Variants in ARHGAP24 observed in about 807,000 individuals in gnomAD.
ARHGAP24 encodes the protein Rho GTPase activating protein 24.
ARHGAP24 carries 50 observed loss-of-function variants against 76.4 expected under a neutral mutation model. The ratio of observed to expected loss-of-function variants is 0.65; its 90% CI spans 0.52 to 0.83. The LOEUF (loss-of-function observed/expected upper bound fraction) is 0.83, where lower values mean the gene tolerates loss of function less well. Ranked by LOEUF, ARHGAP24 falls within the 40% of genes least tolerant of loss-of-function variation. ARHGAP24 has a pLI of 0.00. For synonymous variants in ARHGAP24, 345 were observed against 323.3 expected (o/e 1.07, Z -0.72); for missense variants, 930 against 914.2 (o/e 1.02, Z -0.22).
chr4:85,651,966 C>T (rs1721963412), intron 2 of ARHGAP24, among the ~76,000 whole-genome samples: 1 of 152,002 alleles, frequency 6.6e-6, no homozygotes, highest in African/African-American at 2.4e-5. Context: ...AATTTAAAGT[C>T]TTTCTCAGAA....
chr4:85,537,642 A>G (rs1405930998), intron 1 of ARHGAP24, among the ~76,000 whole-genome samples: 1 of 152,134 alleles, frequency 6.6e-6, no homozygotes, highest in Non-Finnish European at 1.5e-5. Context: ...ATTATAGAAA[A>G]CTTTCTTAAG....
intron 2 of ARHGAP24, among the ~76,000 whole-genome samples, chr4:85,587,715 G>A (rs1727919274): frequency 6.6e-6 from 1 of 152,140 alleles, no homozygotes; most frequent in Non-Finnish European, 1.5e-5. Flanking sequence ...GGACTTGATA[G>A]ACTAGGACTC....
At position 85,722,300 on chromosome 4, in the gene ARHGAP24, G is replaced by C. The variant is rs112808354; in HGVS notation, c.268+328G>C. ...CTCTTGTGATGTGAAATTTGACAAG[G>C]GGTTATAGGTTGAATGCTTTGCCCA... On this transcript the variant is annotated intron_variant, in intron 3 of 9. Coordinates refer to ENST00000395184, the MANE Select transcript of ARHGAP24 (RefSeq NM_001025616.3). 3.0e-3 allele frequency: 887 copies of C among 298,124 alleles called. 7 individuals carry two copies. Among genetic ancestry groups the C allele is most frequent in the African/African-American group, 0.018 (826 of 46,132 alleles). The allele number at this position is 298,124 out of a possible 1,614,324, so 18.5% of individuals were successfully genotyped here.
chr4:85,485,513 G>T (rs188353578), intron 1 of ARHGAP24, among the ~76,000 whole-genome samples: 24 of 148,516 alleles, frequency 1.6e-4, no homozygotes, highest in Admixed American at 4.1e-4. Flanking sequence ...AAATGCTATG[G>T]TTGGAGAAAA....
At chr4:85,623,382 G>T (rs1216980022) in intron 2 of ARHGAP24, among the ~76,000 whole-genome samples, 1 of 152,158 alleles carries the variant, frequency 6.6e-6, no homozygotes, top group Admixed American at 6.5e-5. Flanking sequence ...GTTTTTGTCA[G>T]GTTTGTCAAA....
intron 2 of ARHGAP24, among the ~76,000 whole-genome samples, chr4:85,710,298 C>G (rs535514926): frequency 1.3e-5 from 2 of 152,210 alleles, no homozygotes; most frequent in South Asian, 2.1e-4. Flanking sequence ...ACTGGCTAGC[C>G]ATATGCAGGA....
At position 85,980,206 on chromosome 4, in the gene ARHGAP24, T is replaced by C. The variant is rs139282004; in HGVS notation, c.928+2515T>C. ...TGGTCATTGTTTCTAGTCTTTTTAG[T>C]GGGCAGAGCTAGTAGATATAAATGC... On this transcript the variant is annotated intron_variant, in intron 8 of 9. Coordinates refer to ENST00000395184, the MANE Select transcript of ARHGAP24 (RefSeq NM_001025616.3). Among the ~76,000 whole-genome samples, 865 of 152,308 alleles carry C rather than the reference T, an allele frequency of 5.7e-3. 27 individuals carry two copies. The highest frequency in any genetic ancestry group is 0.051 in the Admixed American group (783 of 15,292).
intron 2 of ARHGAP24, among the ~76,000 whole-genome samples, chr4:85,649,033 GTGTT>G (rs888717758): frequency 1.6e-4 from 24 of 151,120 alleles, no homozygotes; most frequent in Admixed American, 4.0e-4. Flanking sequence ...GTGTGTGTGT[GTGTT>G]TGTGTGTGTG....
chr4:85,647,938 T>A (rs750851707), intron 2 of ARHGAP24, among the ~76,000 whole-genome samples: 7 of 152,202 alleles, frequency 4.6e-5, no homozygotes, highest in Non-Finnish European at 1.0e-4. Context: ...GTAAGCTTTA[T>A]GTGGGAAGGT....
In ARHGAP24 at chr4:85,541,142, C is replaced by CTTTTTTTTTTT. The variant is rs70948733; in HGVS notation, c.-20-29361_-20-29351dup. ...TGTGTCTTCTGCTAGCATCCATGACCTTTTTTTTTTTTTTTTTTTTTTTTT... is the reference window on the plus strand; with the variant it reads ...TGTGTCTTCTGCTAGCATCCATGACCTTTTTTTTTTTTTTTTTTTTTTTTTTTTTTTTTTTT... On this transcript the variant is annotated intron_variant, in intron 1 of 9. Transcript: ENST00000395184. Among the ~76,000 whole-genome samples, 205 of 49,780 alleles carry CTTTTTTTTTTT rather than the reference C, an allele frequency of 4.1e-3. 19 individuals carry two copies. Among genetic ancestry groups the CTTTTTTTTTTT allele is most frequent in the Non-Finnish European group, 5.1e-3 (163 of 31,860 alleles). The allele number at this position is 49,780 out of a possible 152,430, so 32.7% of individuals were successfully genotyped here.
intron 2 of ARHGAP24, among the ~76,000 whole-genome samples, chr4:85,621,304 A>G (rs1025412607): frequency 2.0e-5 from 3 of 152,050 alleles, no homozygotes; most frequent in Non-Finnish European, 4.4e-5. Flanking sequence ...TTGCTGGGTC[A>G]AAGAGTATAT....
At chr4:85,874,413 A>T (rs1732707765) in intron 3 of ARHGAP24, among the ~76,000 whole-genome samples, 1 of 152,188 alleles carries the variant, frequency 6.6e-6, no homozygotes, top group Non-Finnish European at 1.5e-5. Context: ...CTTGCAGCTT[A>T]ACCTGTTGAA....
At chr4:85,939,531 G>A (rs1479725315) in intron 4 of ARHGAP24, among the ~76,000 whole-genome samples, 1 of 152,084 alleles carries the variant, frequency 6.6e-6, no homozygotes, top group East Asian at 1.9e-4. Context: ...AGAGAATATT[G>A]TGAGGGACTC....
chr4:85,615,944 ATTCT>A (rs1720526621), intron 2 of ARHGAP24, among the ~76,000 whole-genome samples: 1 of 152,216 alleles, frequency 6.6e-6, no homozygotes, highest in South Asian at 2.1e-4. Flanking sequence ...TATTGTGTCT[ATTCT>A]AAGACAACAT....
intron 3 of ARHGAP24, among the ~76,000 whole-genome samples, chr4:85,752,172 G>A (rs1479347545): frequency 6.6e-6 from 1 of 152,216 alleles, no homozygotes; most frequent in African/African-American, 2.4e-5. Flanking sequence ...CTGCCTTACA[G>A]GTGAGTGGTA....
intron 5 of ARHGAP24, among the ~76,000 whole-genome samples, chr4:85,944,799 A>C (rs1267044403): frequency 6.6e-6 from 1 of 152,212 alleles, no homozygotes; most frequent in African/African-American, 2.4e-5. Flanking sequence ...GATGAACTTT[A>C]TCAGTGATGA....
In ARHGAP24 at chr4:85,994,948, A is replaced by T. The variant is rs756304543; in HGVS notation, c.1294A>T (p.Ile432Leu). ...CCCAGCCTTTAATAAGGGTAGTGGG[A>T]TAGTTACCAATGGGTCCTTCAGCAG... ...KNPAFNKGSG[I>L]VTNGSFSSSN... is the part of the protein sequence containing the mutation. Residue 432 changes from isoleucine to leucine, a missense_variant, in exon 9 of 10, where the codon ATA becomes TTA. By Grantham distance (5) the Ile-to-Leu change is conservative. Transcript: ENST00000395184. 6.2e-7 allele frequency: 1 copy of T among 1,614,132 alleles called. No individual in the cohort carries two copies. Among genetic ancestry groups the T allele is most frequent in the African/African-American group, 1.3e-5 (1 of 75,008 alleles).
At chr4:85,539,854 C>T (rs1236157246) in intron 1 of ARHGAP24, among the ~76,000 whole-genome samples, 1 of 151,910 alleles carries the variant, frequency 6.6e-6, no homozygotes, top group African/African-American at 2.4e-5. Flanking sequence ...CAGGAGTTTG[C>T]GACCAGCCTG....
intron 1 of ARHGAP24, among the ~76,000 whole-genome samples, chr4:85,517,191 C>A (rs917607395): frequency 5.9e-5 from 9 of 152,148 alleles, no homozygotes; most frequent in African/African-American, 1.7e-4. Context: ...ACATTTAAAT[C>A]TGTATATAGG....
Sources: allele counts gnomAD v4.1 joint callset (sites outside exome capture counted in the v4.1 genomes callset), GRCh38; gene constraint gnomAD v4.1.1; transcripts MANE v1.5; gene names NCBI Gene and HGNC (gene_info 2026-07-23, HGNC 2026-07-21).